The following HLA-DPB1 variants were observed in gnomAD, a reference collection of about 807,000 sequenced individuals.
HLA-DPB1 encodes the protein HLA class II histocompatibility antigen, DP beta 1 chain.
A neutral mutation model predicts 29.4 loss-of-function variants in HLA-DPB1; 30 were observed. The ratio of observed to expected loss-of-function variants is 1.02; its 90% CI spans 0.76 to 1.38. The LOEUF is 1.38. Among genes scored for constraint, HLA-DPB1 ranks in the 40% most tolerant of loss-of-function variants. The pLI is 0.00. For missense variants in HLA-DPB1, 261 were observed against 327.5 expected, an observed-to-expected ratio of 0.80 and a Z score of 1.57; for synonymous variants, 114 against 134.0, an observed-to-expected ratio of 0.85 and a Z score of 1.03.
chr6:33,080,757 G>A lies in HLA-DPB1; in HGVS notation c.186G>A (p.Glu62=), dbSNP rs41555423. 4 of 1,613,626 alleles carry A rather than the reference G, an allele frequency of 2.5e-6. No homozygotes were observed. In the East Asian group the frequency reaches 8.9e-5, roughly 36 times the overall value. Residue 62 remains glutamate (E), a synonymous_variant, in exon 2 of 6, where the codon GAG becomes GAA. Transcript: ENST00000418931. This position sits in a 1 kb window ranked among gnomAD's most constrained non-coding sequence, Gnocchi z 4.3. ...RFLERYIYNR[E]EFARFDSDVG... is the part of the protein sequence containing the mutation. ...TGGAGAGATACATCTACAACCGGGA[G>A]GAGTTCGCGCGCTTCGACAGCGACG...
chr6:33,078,061 G>A (rs2073522), intron 1 of HLA-DPB1, among the ~76,000 whole-genome samples: 16,920 of 151,928 alleles, frequency 0.11, 1,654 homozygotes, highest in East Asian at 0.58. Flanking sequence ...CGGATGCAGC[G>A]CCCCCATCCC....
At position 33,086,291 on chromosome 6, in the gene HLA-DPB1, T is replaced by A; in HGVS notation, c.*4+49T>A. 1.4e-6 allele frequency: 2 copies of A among 1,385,342 alleles called. 1 individual carries two copies. The highest frequency in any genetic ancestry group is 2.1e-6 in the Non-Finnish European group (2 of 975,172). 85.8% of individuals were successfully genotyped at this position (1,385,342 alleles called of 1,614,324 possible). A position where few individuals can be genotyped will look rare whatever the true frequency, so the allele number is the denominator to read the frequency against. On this transcript the variant is annotated intron_variant, in intron 5 of 5. Transcript: ENST00000418931. ...TTGTGGGGTGGGTTGCAGGAGGATATGAGTCCTTTCTGTGCATTGTAACAC... is the reference window on the plus strand; with the variant it reads ...TTGTGGGGTGGGTTGCAGGAGGATAAGAGTCCTTTCTGTGCATTGTAACAC...
At chr6:33,079,931 C>G (rs916436763) in intron 1 of HLA-DPB1, 2 of 263,468 alleles carry the variant, frequency 7.6e-6, no homozygotes, top group Middle Eastern at 1.5e-3. Flanking sequence ...ATCAATGCCT[C>G]TAAACCCAAA....
In HLA-DPB1 at chr6:33,087,533, C is replaced by T. The variant is rs3097679; in HGVS notation, c.*999C>T. 0.018 allele frequency among the ~76,000 whole-genome samples: 2,695 copies of T among 152,124 alleles called. 76 individuals are homozygous for T. The highest frequency in any genetic ancestry group is 0.062 in the African/African-American group (2,566 of 41,440). The stretch of plus-strand genomic sequence containing the variant: ...TTTCGTGTAGAGGATGGATTCTTCA[C>T]TCCTGATACACACAATCAGTGCACA... On this transcript the variant is annotated 3_prime_UTR_variant, in exon 6 of 6. Coordinates refer to ENST00000418931, the MANE Select transcript of HLA-DPB1 (RefSeq NM_002121.6).
rs1482871592 is a variant in HLA-DPB1, at chr6:33,088,253, C to A, written c.*1719C>A. Among the ~76,000 whole-genome samples, 1 of 152,226 alleles carries A rather than the reference C, an allele frequency of 6.6e-6. No individual in the cohort carries two copies. Among genetic ancestry groups the A allele is most frequent in the Non-Finnish European group, 1.5e-5 (1 of 68,044 alleles). Reference sequence around the variant, plus strand: ...AGCACATAAATCCTACCCTCAGAGTCACTGAGCAGTTAACATTACAAATTA... The same window carrying A: ...AGCACATAAATCCTACCCTCAGAGTAACTGAGCAGTTAACATTACAAATTA... On this transcript the variant is annotated 3_prime_UTR_variant, in exon 6 of 6. Transcript: ENST00000418931.
Position 33,086,631 on chromosome 6 carries a change from C to T in HLA-DPB1, c.*97C>T, listed in dbSNP as rs1763121162. 2.0e-6 allele frequency: 1 copy of T among 508,224 alleles called. No homozygotes were observed. The allele number at this position is 508,224 out of a possible 1,614,324, so 31.5% of individuals were successfully genotyped here. A position where few individuals can be genotyped will look rare whatever the true frequency, so the allele number is the denominator to read the frequency against. On this transcript the variant is annotated 3_prime_UTR_variant, in exon 6 of 6. Coordinates refer to ENST00000418931, the MANE Select transcript of HLA-DPB1 (RefSeq NM_002121.6). ...TGGCTCCAGGACAGACCTTCAACTT[C>T]CAAATTGGATACTGCTGCCAAGAAG...
rs41553216 is a variant in HLA-DPB1 at position 33,080,857 on chromosome 6, G to A, written c.286G>A (p.Glu96Lys). ...CTGGAACAGCCAGAAGGACATCCTG[G>A]AGGAGAAGCGGGCAGTGCCGGACAG... ...EYWNSQKDIL[E>K]EKRAVPDRMC... Residue 96 changes from glutamate (E) to lysine (K), a missense_variant, in exon 2 of 6, where the codon GAG becomes AAG. Glu to Lys is a moderately conservative substitution (Grantham distance 56). Transcript: ENST00000418931. The surrounding 1 kb of genome is among the most constrained non-coding windows in gnomAD (Gnocchi z 4.3). 6.2e-7 allele frequency: 1 copy of A among 1,613,458 alleles called. No individual in the cohort carries two copies. Among genetic ancestry groups the A allele is most frequent in the East Asian group, 2.2e-5 (1 of 44,862 alleles).
At position 33,088,008 on chromosome 6, in the gene HLA-DPB1, T is replaced by C. The variant is rs533414261; in HGVS notation, c.*1474T>C. 6.6e-6 allele frequency among the ~76,000 whole-genome samples: 1 copy of C among 152,342 alleles called. No homozygotes were observed. Among genetic ancestry groups the C allele is most frequent in the South Asian group, 2.1e-4 (1 of 4,828 alleles). On this transcript the variant is annotated 3_prime_UTR_variant, in exon 6 of 6. Coordinates refer to ENST00000418931, the MANE Select transcript of HLA-DPB1 (RefSeq NM_002121.6). ...ATGCTGCTGACTTGTTTTTGCGTAG[T>C]AATTTCAGCTGTCACATAATAAGCT...
chr6:33,081,022 A>G, intron 2 of HLA-DPB1, 87 bp downstream of exon 2: 1 of 1,393,590 alleles, frequency 7.2e-7, no homozygotes, highest in Non-Finnish European at 9.5e-7. Context: ...GGCCTAAGGG[A>G]CCTTAGTGCC....
At chr6:33,079,769 A>G (rs1389976938) in intron 1 of HLA-DPB1, 1 of 491,696 alleles carries the variant, frequency 2.0e-6, no homozygotes, top group Non-Finnish European at 4.0e-6. Flanking sequence ...AATTTCCTCC[A>G]GAACTGCAAA....
intron 4 of HLA-DPB1, 154 bp downstream of exon 4, chr6:33,086,043 A>G (rs9277481): frequency 0.24 from 182,903 of 770,118 alleles, 25,239 homozygotes; most frequent in East Asian, 0.59. Context: ...ATAGCGAGAG[A>G]GGGATCCCAG....
chr6:33,079,851 A>T, intron 1 of HLA-DPB1: 1 of 351,050 alleles, frequency 2.8e-6, no homozygotes, highest in Non-Finnish European at 5.5e-6. Context: ...ACAGCTAAGA[A>T]AATGAGTAGA....
intron 1 of HLA-DPB1, 31 bp downstream of exon 1, chr6:33,076,172 C>T: frequency 6.9e-7 from 1 of 1,456,022 alleles, no homozygotes; most frequent in Non-Finnish European, 9.5e-7. Context: ...CTTGGAGGGT[C>T]TGGCTCAGGG....
At chr6:33,078,185 G>A (rs1583110556) in intron 1 of HLA-DPB1, among the ~76,000 whole-genome samples, 1 of 152,152 alleles carries the variant, frequency 6.6e-6, no homozygotes, top group African/African-American at 2.4e-5. Flanking sequence ...GTGAAAGGGA[G>A]GACGGGCAAA....
intron 5 of HLA-DPB1, 42 bp downstream of exon 5, chr6:33,086,284 G>A: frequency 7.1e-7 from 1 of 1,412,388 alleles, no homozygotes; most frequent in Non-Finnish European, 1.0e-6. Context: ...TGGGTTGCAG[G>A]AGGATATGAG....
At chr6:33,079,938 C>T (rs1221559330) in intron 1 of HLA-DPB1, 1 of 250,726 alleles carries the variant, frequency 4.0e-6, no homozygotes, top group Non-Finnish European at 7.9e-6. Context: ...CCTCTAAACC[C>T]AAAGGACTCT....
At chr6:33,079,710 A>C in intron 1 of HLA-DPB1, 1 of 509,902 alleles carries the variant, frequency 2.0e-6, no homozygotes. Context: ...AAGGAGCTGA[A>C]AGTGCTGCTG....
intron 1 of HLA-DPB1, chr6:33,079,780 GTCA>G: frequency 2.1e-6 from 1 of 482,192 alleles, no homozygotes; most frequent in Non-Finnish European, 4.1e-6. Context: ...GAACTGCAAA[GTCA>G]TCATGGAAAG....
intron 2 of HLA-DPB1, among the ~76,000 whole-genome samples, chr6:33,081,391 A>T (rs1035853809): frequency 6.6e-6 from 1 of 151,970 alleles, no homozygotes; most frequent in Non-Finnish European, 1.5e-5. Flanking sequence ...GAGATACATG[A>T]GACCATCCAG....
Sources: gnomAD v4.1 joint callset for allele counts (sites outside exome capture counted in the v4.1 genomes callset) on GRCh38, gnomAD v4.1.1 for gene constraint, Gnocchi (gnomAD v3.1) non-coding constraint, MANE v1.5 for transcripts, NCBI Gene and HGNC (gene_info 2026-07-23, HGNC 2026-07-21) for gene names.